SPPL3: variants seen among roughly 807,000 people sequenced by gnomAD.
The protein encoded by SPPL3 is signal peptide peptidase-like 3.
In SPPL3, 5 loss-of-function variants were observed where a neutral mutation model predicts 42.4. The observed-to-expected ratio is 0.12, with a 90% confidence interval of 0.06 to 0.25. The LOEUF (loss-of-function observed/expected upper bound fraction) is 0.25, where lower values mean the gene tolerates loss of function less well. SPPL3 is among the 10% of genes least tolerant of loss of function. The pLI is 1.00. For synonymous variants in SPPL3, 195 were observed against 181.8 expected, an observed-to-expected ratio of 1.07 and a Z score of -0.58; for missense variants, 235 against 489.0, an observed-to-expected ratio of 0.48 and a Z score of 4.90.
chr12:120,804,251 A>G (rs2136996396), intron 2 of SPPL3, among the ~76,000 whole-genome samples: 1 of 152,312 alleles, frequency 6.6e-6, no homozygotes. Context: ...TAAGACAGAA[A>G]CTGTTACTAG....
intron 1 of SPPL3, among the ~76,000 whole-genome samples, chr12:120,862,641 T>G (rs1270589788): frequency 2.0e-5 from 3 of 152,164 alleles, no homozygotes; most frequent in Non-Finnish European, 4.4e-5. Context: ...TATGCAAAGT[T>G]TCCATGCCTT....
intron 2 of SPPL3, among the ~76,000 whole-genome samples, chr12:120,797,319 T>G (rs901033222): frequency 6.6e-6 from 1 of 152,088 alleles, no homozygotes; most frequent in Non-Finnish European, 1.5e-5. Flanking sequence ...CTTTGGACTC[T>G]CAGTTCCATC....
intron 9 of SPPL3, 52 bp from the exon 10 acceptor site, chr12:120,766,424 T>G: frequency 2.1e-6 from 3 of 1,435,664 alleles, no homozygotes; most frequent in Non-Finnish European, 2.8e-6. Flanking sequence ...CCGTGTCACC[T>G]GGCTGCTGCT....
chr12:120,816,087 G>C (rs1346071342), intron 1 of SPPL3, among the ~76,000 whole-genome samples: 1 of 152,110 alleles, frequency 6.6e-6, no homozygotes, highest in African/African-American at 2.4e-5. Flanking sequence ...CTGTGCTCCA[G>C]CCTCTGAGGA....
At chr12:120,900,922 A>AC (rs772475888) in intron 1 of SPPL3, among the ~76,000 whole-genome samples, 2 of 95,804 alleles carry the variant, frequency 2.1e-5, no homozygotes, top group Admixed American at 9.6e-5. Context: ...ACCCTGTCTC[A>AC]CAAAAAAAAA....
At chr12:120,869,911 A>G (rs1453503058) in intron 1 of SPPL3, among the ~76,000 whole-genome samples, 1 of 152,192 alleles carries the variant, frequency 6.6e-6, no homozygotes, top group Non-Finnish European at 1.5e-5. Flanking sequence ...AAAAATAGGA[A>G]TATCTGAAAA....
intron 1 of SPPL3, among the ~76,000 whole-genome samples, chr12:120,873,143 A>G (rs1872979039): frequency 6.6e-6 from 1 of 152,238 alleles, no homozygotes; most frequent in Admixed American, 6.5e-5. Context: ...TGGAAACTGT[A>G]AAGATTTTAA....
intron 2 of SPPL3, among the ~76,000 whole-genome samples, chr12:120,799,674 T>C (rs1027269126): frequency 4.6e-5 from 7 of 152,302 alleles, no homozygotes; most frequent in African/African-American, 1.7e-4. Flanking sequence ...CAAGCTTAGC[T>C]AAAATCAAGC....
intron 1 of SPPL3, among the ~76,000 whole-genome samples, chr12:120,877,790 A>AAAAAAAAG: frequency 7.1e-6 from 1 of 141,158 alleles, no homozygotes; most frequent in East Asian, 1.9e-4. Context: ...TTAAAAAAAA[A>AAAAAAAAG]AAAGAAAGAA....
At chr12:120,816,426 A>G (rs1411437444) in intron 1 of SPPL3, among the ~76,000 whole-genome samples, 1 of 152,272 alleles carries the variant, frequency 6.6e-6, no homozygotes, top group South Asian at 2.1e-4. Flanking sequence ...ACCAAATATC[A>G]CATAACTAGA....
intron 1 of SPPL3, among the ~76,000 whole-genome samples, chr12:120,817,391 T>C (rs1033876390): frequency 6.6e-6 from 1 of 152,232 alleles, no homozygotes; most frequent in Non-Finnish European, 1.5e-5. Context: ...TTGCCCATCA[T>C]TGACATAGCC....
chr12:120,769,588 T>A (rs778768530), intron 6 of SPPL3: 1 of 153,824 alleles, frequency 6.5e-6, no homozygotes, highest in Non-Finnish European at 1.4e-5. Context: ...TCTCGCTGTA[T>A]CACCCAGGCT....
At chr12:120,870,434 G>C (rs1872887586) in intron 1 of SPPL3, among the ~76,000 whole-genome samples, 2 of 151,900 alleles carry the variant, frequency 1.3e-5, no homozygotes, top group African/African-American at 4.8e-5. Context: ...GGTGAAACTC[G>C]GTCTCAGAAA....
chr12:120,884,882 A>G (rs1873405632), intron 1 of SPPL3, among the ~76,000 whole-genome samples: 1 of 150,814 alleles, frequency 6.6e-6, no homozygotes, highest in South Asian at 2.1e-4. Context: ...CCTATTCAAT[A>G]AATAGATACT....
intron 1 of SPPL3, among the ~76,000 whole-genome samples, chr12:120,863,610 G>T (rs1241528271): frequency 6.6e-6 from 1 of 152,144 alleles, no homozygotes; most frequent in East Asian, 1.9e-4. Context: ...GGTAATCGTA[G>T]ATATTATTCT....
chr12:120,888,731 T>A (rs1873541417), intron 1 of SPPL3, among the ~76,000 whole-genome samples: 1 of 152,228 alleles, frequency 6.6e-6, no homozygotes, highest in African/African-American at 2.4e-5. Flanking sequence ...TGGTGACGAC[T>A]GCCCAACTCT....
intron 2 of SPPL3, among the ~76,000 whole-genome samples, chr12:120,805,360 T>A (rs1870453585): frequency 6.6e-6 from 1 of 152,146 alleles, no homozygotes; most frequent in African/African-American, 2.4e-5. Context: ...CTCCACAAAC[T>A]AGAAATAAGA....
intron 2 of SPPL3, among the ~76,000 whole-genome samples, chr12:120,807,001 T>C (rs1870519106): frequency 6.6e-6 from 1 of 151,988 alleles, no homozygotes; most frequent in African/African-American, 2.4e-5. Flanking sequence ...TTAACAAAAT[T>C]AAAATGTTTA....
chr12:120,830,232 G>A (rs867530481), intron 1 of SPPL3, among the ~76,000 whole-genome samples: 4 of 91,714 alleles, frequency 4.4e-5, no homozygotes, highest in East Asian at 2.9e-4. Flanking sequence ...AGATGACTAC[G>A]ACCAAGCAAC....
Sources: gnomAD v4.1 joint callset for allele counts (sites outside exome capture counted in the v4.1 genomes callset) on GRCh38, gnomAD v4.1.1 for gene constraint, MANE v1.5 for transcripts, NCBI Gene and HGNC (gene_info 2026-07-23, HGNC 2026-07-21) for gene names.